KCNMA1: variants seen among roughly 807,000 people sequenced by gnomAD.
KCNMA1 encodes the protein potassium calcium-activated channel subfamily M alpha 1.
A neutral mutation model predicts 140.0 loss-of-function variants in KCNMA1; 29 were observed. The observed-to-expected ratio is 0.21, with a 90% CI of 0.15 to 0.28. KCNMA1 has a LOEUF of 0.28. Ranked by LOEUF, KCNMA1 falls within the 10% of genes least tolerant of loss-of-function variation. The pLI, the probability that KCNMA1 is intolerant of heterozygous loss-of-function variation, is 1.00. For missense variants in KCNMA1, 880 were observed against 1,602.2 expected (o/e 0.55, Z 7.70); for synonymous variants, 612 against 611.9 (o/e 1.00, Z 0.00).
chr10:76,914,212 T>G, intron 24 of KCNMA1: 113 of 1,010,892 alleles, frequency 1.1e-4, no homozygotes, highest in Middle Eastern at 2.1e-4. Context: ...AGTGAGGGAA[T>G]AACAGAGGAA....
At chr10:76,888,884 C>G (rs1361900692) in intron 27 of KCNMA1, among the ~76,000 whole-genome samples, 26 of 151,828 alleles carry the variant, frequency 1.7e-4, no homozygotes, top group Admixed American at 1.6e-3. Context: ...GGCCAACAAG[C>G]CTTCTCTCTA....
intron 3 of KCNMA1, among the ~76,000 whole-genome samples, chr10:77,198,104 C>T (rs1157245527): frequency 2.6e-5 from 4 of 152,072 alleles, no homozygotes; most frequent in Admixed American, 6.5e-5. Flanking sequence ...TTAACATCAA[C>T]CATAATTGTT....
At chr10:77,081,850 A>G (rs1340455889) in intron 12 of KCNMA1, among the ~76,000 whole-genome samples, 1 of 151,998 alleles carries the variant, frequency 6.6e-6, no homozygotes, top group African/African-American at 2.4e-5. Flanking sequence ...GGTCTCATTA[A>G]ACTGAGGAGG....
At chr10:77,491,013 T>C (rs766040953) in intron 1 of KCNMA1, among the ~76,000 whole-genome samples, 10 of 152,144 alleles carry the variant, frequency 6.6e-5, no homozygotes, top group Non-Finnish European at 4.4e-5. Context: ...CAATAAATGG[T>C]TGCTAAATAA....
At chr10:77,037,755 TTAG>T (rs962453476) in intron 15 of KCNMA1, among the ~76,000 whole-genome samples, 113 of 152,240 alleles carry the variant, frequency 7.4e-4, no homozygotes, top group African/African-American at 2.6e-3. Flanking sequence ...CACCACCACA[TTAG>T]ACAGCCAAGG....
At chr10:77,392,176 AGGAGT>A in intron 2 of KCNMA1, among the ~76,000 whole-genome samples, 1 of 69,720 alleles carries the variant, frequency 1.4e-5, no homozygotes, top group African/African-American at 5.9e-5. Flanking sequence ...GGGAGGAGGG[AGGAGT>A]GGGGGAGGTG....
chr10:77,384,114 A>G (rs2095522406), intron 2 of KCNMA1, among the ~76,000 whole-genome samples: 1 of 152,238 alleles, frequency 6.6e-6, no homozygotes, highest in Admixed American at 6.5e-5. Flanking sequence ...CGCGGAGATC[A>G]CTGGCATCAC....
intron 9 of KCNMA1, among the ~76,000 whole-genome samples, chr10:77,097,619 A>C (rs1174012759): frequency 6.6e-6 from 1 of 152,222 alleles, no homozygotes; most frequent in Non-Finnish European, 1.5e-5. Flanking sequence ...GTACACATAA[A>C]GAAAAATAAA....
intron 19 of KCNMA1, among the ~76,000 whole-genome samples, chr10:76,972,298 C>T (rs964031983): frequency 2.0e-5 from 3 of 152,166 alleles, no homozygotes; most frequent in Admixed American, 6.5e-5. Flanking sequence ...ACCTAGTCTA[C>T]CACGGCTAGC....
intron 1 of KCNMA1, among the ~76,000 whole-genome samples, chr10:77,562,828 T>C (rs974217420): frequency 6.6e-6 from 1 of 152,230 alleles, no homozygotes; most frequent in Non-Finnish European, 1.5e-5. Context: ...GCACATTCAG[T>C]TGTGCCAGGA....
At chr10:77,514,521 C>G (rs816839) in intron 1 of KCNMA1, among the ~76,000 whole-genome samples, 1 of 151,982 alleles carries the variant, frequency 6.6e-6, no homozygotes, top group African/African-American at 2.4e-5. Flanking sequence ...AGATTCCCAA[C>G]GCAGTGACAA....
At chr10:77,176,937 C>T (rs1335195093) in intron 5 of KCNMA1, among the ~76,000 whole-genome samples, 2 of 152,172 alleles carry the variant, frequency 1.3e-5, no homozygotes, top group South Asian at 4.1e-4. Context: ...AATGTAATCA[C>T]AAGAGTCCTT....
At chr10:77,142,227 C>T (rs946223715) in intron 5 of KCNMA1, among the ~76,000 whole-genome samples, 4 of 151,660 alleles carry the variant, frequency 2.6e-5, no homozygotes, top group African/African-American at 7.3e-5. Flanking sequence ...AAAAATTAGC[C>T]GGGCGTGGTG....
chr10:76,883,415 A>C (rs2035438254), downstream of KCNMA1, among the ~76,000 whole-genome samples: 1 of 152,210 alleles, frequency 6.6e-6, no homozygotes, highest in Non-Finnish European at 1.5e-5. Context: ...CAGAAGTTTA[A>C]CTGTGTGTAT....
At chr10:77,523,620 A>T (rs1268799226) in intron 1 of KCNMA1, among the ~76,000 whole-genome samples, 1 of 152,286 alleles carries the variant, frequency 6.6e-6, no homozygotes, top group Non-Finnish European at 1.5e-5. Flanking sequence ...AGTGTAAAGC[A>T]GCTATGTTTC....
chr10:77,391,610 T>G (rs936351873), intron 2 of KCNMA1, among the ~76,000 whole-genome samples: 3 of 119,248 alleles, frequency 2.5e-5, no homozygotes, highest in African/African-American at 1.1e-4. Context: ...CTGAAGTAGG[T>G]TTTTTGTTTG....
chr10:77,493,543 G>C (rs537036342), intron 1 of KCNMA1, among the ~76,000 whole-genome samples: 1 of 152,342 alleles, frequency 6.6e-6, no homozygotes, highest in South Asian at 2.1e-4. Flanking sequence ...TTATGTGTGT[G>C]GTTCAGTTTT....
intron 1 of KCNMA1, among the ~76,000 whole-genome samples, chr10:77,606,119 C>T (rs554759927): frequency 3.9e-5 from 6 of 152,212 alleles, no homozygotes; most frequent in Non-Finnish European, 8.8e-5. Flanking sequence ...GTGCAGCCCT[C>T]CAGCCTCCCA....
chr10:77,212,077 C>A (rs191348129), intron 3 of KCNMA1, among the ~76,000 whole-genome samples: 1 of 152,232 alleles, frequency 6.6e-6, no homozygotes, highest in Admixed American at 6.5e-5. Context: ...ACCATTCAAC[C>A]CAACAATCCC....
Sources: allele counts gnomAD v4.1 joint callset (sites outside exome capture counted in the v4.1 genomes callset), GRCh38; gene constraint gnomAD v4.1.1; transcripts MANE v1.5; gene names NCBI Gene and HGNC (gene_info 2026-07-23, HGNC 2026-07-21).